The following PCCA variants were observed in gnomAD, a reference collection of about 807,000 sequenced individuals.
PCCA encodes propionyl-CoA carboxylase subunit alpha, also known as propionyl-CoA carboxylase alpha chain, mitochondrial.
Under a neutral mutation model 101.3 loss-of-function variants are expected in PCCA, and 74 were observed. The ratio of observed to expected loss-of-function variants is 0.73; its 90% CI spans 0.61 to 0.89. The LOEUF (loss-of-function observed/expected upper bound fraction) is 0.89, where lower values mean the gene tolerates loss of function less well. PCCA is among the 40% of genes least tolerant of loss of function. PCCA has a pLI of 0.00. For synonymous variants in PCCA, 294 were observed against 313.6 expected (o/e 0.94, Z 0.66); for missense variants, 891 against 907.0 (o/e 0.98, Z 0.23).
chr13:100,173,531 A>T (rs1313352935), intron 6 of PCCA, among the ~76,000 whole-genome samples: 2 of 152,236 alleles, frequency 1.3e-5, no homozygotes, highest in East Asian at 3.8e-4. Context: ...AGAAAGGTAG[A>T]CAAGTGTATT....
At chr13:100,454,494 T>C (rs1372795445) in intron 21 of PCCA, among the ~76,000 whole-genome samples, 2 of 152,224 alleles carry the variant, frequency 1.3e-5, no homozygotes, top group Non-Finnish European at 2.9e-5. Flanking sequence ...AAATACAGAT[T>C]GATTCCTAGC....
chr13:100,446,590 T>A (rs1320864717), intron 20 of PCCA, among the ~76,000 whole-genome samples: 2 of 152,218 alleles, frequency 1.3e-5, no homozygotes, highest in Non-Finnish European at 2.9e-5. Flanking sequence ...ATTAGATGGA[T>A]GACCAACGTA....
At chr13:100,255,235 A>G (rs752474235) in intron 8 of PCCA, among the ~76,000 whole-genome samples, 3 of 152,152 alleles carry the variant, frequency 2.0e-5, no homozygotes, top group Non-Finnish European at 2.9e-5. Flanking sequence ...GGAGACCACA[A>G]TGCCTTATTA....
chr13:100,410,459 T>A (rs2077974449), intron 19 of PCCA, among the ~76,000 whole-genome samples: 1 of 152,072 alleles, frequency 6.6e-6, no homozygotes, highest in African/African-American at 2.4e-5. Context: ...GCCAGGATAG[T>A]CTTGATCACT....
At chr13:100,158,207 A>G (rs2054071339) in intron 6 of PCCA, among the ~76,000 whole-genome samples, 2 of 152,248 alleles carry the variant, frequency 1.3e-5, no homozygotes, top group Admixed American at 1.3e-4. Context: ...ACATGTAAAC[A>G]GGGAAGATAC....
chr13:100,101,364 G>C (rs1271990641), intron 1 of PCCA, among the ~76,000 whole-genome samples: 1 of 152,036 alleles, frequency 6.6e-6, no homozygotes, highest in Non-Finnish European at 1.5e-5. Flanking sequence ...TAAAGTCCTT[G>C]GGACTCAACT....
At chr13:100,195,944 G>T (rs1468000531) in intron 6 of PCCA, among the ~76,000 whole-genome samples, 1 of 151,922 alleles carries the variant, frequency 6.6e-6, no homozygotes, top group Non-Finnish European at 1.5e-5. Flanking sequence ...CTCTGGAAGT[G>T]GTATCAGTGC....
At chr13:100,288,868 G>T (rs1484915280) in intron 12 of PCCA, among the ~76,000 whole-genome samples, 2 of 145,076 alleles carry the variant, frequency 1.4e-5, no homozygotes, top group African/African-American at 2.6e-5. Flanking sequence ...TTTCCTCATT[G>T]TAATTTTCAC....
At chr13:100,225,831 C>A (rs2060116075) in intron 7 of PCCA, among the ~76,000 whole-genome samples, 1 of 151,974 alleles carries the variant, frequency 6.6e-6, no homozygotes, top group Non-Finnish European at 1.5e-5. Context: ...CGCTCAGTCA[C>A]CCAGGCTGGA....
At chr13:100,401,719 A>C (rs2152855582) in intron 19 of PCCA, among the ~76,000 whole-genome samples, 1 of 152,288 alleles carries the variant, frequency 6.6e-6, no homozygotes, top group South Asian at 2.1e-4. Context: ...AGTGCTACCA[A>C]AACCAATATA....
intron 6 of PCCA, among the ~76,000 whole-genome samples, chr13:100,186,378 C>G (rs1425539580): frequency 1.3e-5 from 2 of 151,956 alleles, no homozygotes; most frequent in Non-Finnish European, 2.9e-5. Flanking sequence ...TTTGGGTGAC[C>G]ATGTGGATAA....
At chr13:100,141,946 CAA>C (rs1405164144) in intron 4 of PCCA, among the ~76,000 whole-genome samples, 1 of 152,078 alleles carries the variant, frequency 6.6e-6, no homozygotes, top group African/African-American at 2.4e-5. Flanking sequence ...GAGTGGAAAA[CAA>C]AGGCAAGTAC....
intron 16 of PCCA, among the ~76,000 whole-genome samples, chr13:100,318,025 G>C (rs993589237): frequency 2.0e-5 from 3 of 152,088 alleles, no homozygotes; most frequent in African/African-American, 7.2e-5. Flanking sequence ...CTCCGCAATT[G>C]TCCCCTAAGG....
chr13:100,247,416 C>G (rs2061502225), intron 8 of PCCA, among the ~76,000 whole-genome samples: 1 of 150,968 alleles, frequency 6.6e-6, no homozygotes, highest in African/African-American at 2.4e-5. Flanking sequence ...CGAGGTTTCA[C>G]CATATTAGCC....
chr13:100,400,454 A>G (rs1258615049), intron 19 of PCCA, among the ~76,000 whole-genome samples: 1 of 151,832 alleles, frequency 6.6e-6, no homozygotes, highest in Admixed American at 6.6e-5. Flanking sequence ...TTTTAATAGG[A>G]GTTTTCTAAA....
At chr13:100,445,348 AC>A in intron 20 of PCCA, among the ~76,000 whole-genome samples, 1 of 152,306 alleles carries the variant, frequency 6.6e-6, no homozygotes, top group Non-Finnish European at 1.5e-5. Flanking sequence ...TGAAGTACAC[AC>A]TTCAAACAGT....
intron 18 of PCCA, among the ~76,000 whole-genome samples, chr13:100,343,534 A>G (rs994563757): frequency 6.6e-6 from 1 of 152,258 alleles, no homozygotes; most frequent in African/African-American, 2.4e-5. Flanking sequence ...TATGTAATGT[A>G]TGACTTCATT....
intron 16 of PCCA, among the ~76,000 whole-genome samples, chr13:100,321,283 G>A (rs1457906436): frequency 6.6e-6 from 1 of 152,024 alleles, no homozygotes; most frequent in Non-Finnish European, 1.5e-5. Context: ...GTTTTATTTA[G>A]CCTGATCTCT....
chr13:100,447,072 C>A (rs1385393914), intron 20 of PCCA, among the ~76,000 whole-genome samples: 1 of 151,982 alleles, frequency 6.6e-6, no homozygotes, highest in African/African-American at 2.4e-5. Context: ...ACATTTTTTC[C>A]TCAGGATAAA....
Sources: gnomAD v4.1 joint callset for allele counts (sites outside exome capture counted in the v4.1 genomes callset) on GRCh38, gnomAD v4.1.1 for gene constraint, MANE v1.5 for transcripts, NCBI Gene and HGNC (gene_info 2026-07-23, HGNC 2026-07-21) for gene names.